VPS41: variants seen among roughly 807,000 people sequenced by gnomAD.
VPS41 encodes vacuolar protein sorting-associated protein 41 homolog.
Under a neutral mutation model 130.9 loss-of-function variants are expected in VPS41, and 85 were observed. The ratio of observed to expected loss-of-function variants is 0.65; its 90% CI spans 0.55 to 0.78. The LOEUF (loss-of-function observed/expected upper bound fraction) is 0.78. Ranked by LOEUF, VPS41 falls within the 30% of genes least tolerant of loss-of-function variation. VPS41 has a pLI of 0.00. For missense variants in VPS41, 874 were observed against 1,018.7 expected, an observed-to-expected ratio of 0.86 and a Z score of 1.93; for synonymous variants, 335 against 332.9, an observed-to-expected ratio of 1.01 and a Z score of -0.07.
rs1325883907 is a variant in VPS41, at chr7:38,744,497, GGTTA to G, written c.1982-959_1982-956del. Among the ~76,000 whole-genome samples, 22 of 152,226 alleles carry G rather than the reference GGTTA, an allele frequency of 1.4e-4. No homozygotes were observed. The East Asian group carries it at 3.5e-3, about 24-fold the overall frequency. On this transcript the variant is annotated intron_variant, in intron 23 of 28. Transcript: ENST00000310301. ...TTCCACAGTTTATGTCTCTAAAAATGGTTAGTTATTTAAAAATGTTTACAGGATT... is the reference window on the plus strand; with the variant it reads ...TTCCACAGTTTATGTCTCTAAAAATGGTTATTTAAAAATGTTTACAGGATT...
intron 21 of VPS41, among the ~76,000 whole-genome samples, chr7:38,753,141 C>T (rs1783714360): frequency 6.6e-6 from 1 of 152,140 alleles, no homozygotes; most frequent in South Asian, 2.1e-4. Flanking sequence ...AAAAACCCCA[C>T]AATCTACTGA....
intron 2 of VPS41, among the ~76,000 whole-genome samples, chr7:38,890,331 C>T (rs994088563): frequency 2.0e-5 from 3 of 152,120 alleles, no homozygotes; most frequent in Admixed American, 1.3e-4. Context: ...TATAAAACGA[C>T]AAAATTATAC....
At chr7:38,811,982 T>C (rs533181381) in intron 7 of VPS41, among the ~76,000 whole-genome samples, 3 of 152,246 alleles carry the variant, frequency 2.0e-5, no homozygotes, top group African/African-American at 7.2e-5. Context: ...CTAACTGTAG[T>C]GTTCTGACTA....
rs1231444649 is a variant in VPS41, at chr7:38,776,770, T to C, written c.791A>G (p.Gln264Arg). 3.7e-6 allele frequency: 6 copies of C among 1,601,172 alleles called. No individual in the cohort carries two copies. The highest frequency in any genetic ancestry group is 5.1e-6 in the Non-Finnish European group (6 of 1,168,842). ...LPSRYVEIVS[Q>R]FETEFYISGL... ...ACTGATGTAGAATTCAGTTTCAAAC[T>C]GAGACACTGCAAACAAAAGGGATAC... The change falls in exon 11 of 29, where the codon CAG becomes CGG. Residue 264 changes from glutamine (Q) to arginine (R), a missense_variant. Transcript: ENST00000310301.
At position 38,767,608 on chromosome 7, in the gene VPS41, G is replaced by T; in HGVS notation, c.1186-10C>A. The T allele has an allele frequency of 6.2e-7, 1 of 1,603,266 alleles. No homozygotes were observed. The highest frequency in any genetic ancestry group is 8.5e-7 in the Non-Finnish European group (1 of 1,173,038). ...ATGCCAAGCCAATATCCTAGAGAAA[G>T]CCAAATGAAGAAATGTCAAAATTTA... On this transcript the variant is annotated splice_polypyrimidine_tract_variant and intron_variant, in intron 14 of 28. Coordinates refer to ENST00000310301, the MANE Select transcript of VPS41 (RefSeq NM_014396.4).
At chr7:38,796,450 A>C in intron 8 of VPS41, 3 of 511,416 alleles carry the variant, frequency 5.9e-6, no homozygotes, top group Non-Finnish European at 7.6e-6. Context: ...TTCAAGACCC[A>C]TTCCCAATGC....
intron 12 of VPS41, 70 bp from the exon 13 acceptor site, chr7:38,772,707 AC>A (rs1251488472): frequency 9.2e-7 from 1 of 1,084,058 alleles, no homozygotes; most frequent in African/African-American, 1.6e-5. Flanking sequence ...GTTTCAGAGG[AC>A]CTGGTTAGGT....
At chr7:38,898,016 T>C in intron 2 of VPS41, 75 bp downstream of exon 2, 1 of 1,402,504 alleles carries the variant, frequency 7.1e-7, no homozygotes, top group Non-Finnish European at 1.0e-6. Context: ...GAATGTTGCA[T>C]TTAGCAAAGA....
chr7:38,908,962 G>A (rs1334393011), intron 1 of VPS41, among the ~76,000 whole-genome samples, 192 bp downstream of exon 1: 9 of 152,160 alleles, frequency 5.9e-5, no homozygotes, highest in Admixed American at 5.9e-4. Flanking sequence ...GCTTTCCCTA[G>A]GTGCCCTCCC....
At chr7:38,854,061 C>A (rs1785926490) in intron 4 of VPS41, among the ~76,000 whole-genome samples, 1 of 152,182 alleles carries the variant, frequency 6.6e-6, no homozygotes, top group Non-Finnish European at 1.5e-5. Flanking sequence ...GCCTTGGCAT[C>A]ATTTATCAGA....
chr7:38,909,138 C>A lies in VPS41; in HGVS notation c.21+16G>T. 1 of 1,614,200 alleles carries A rather than the reference C, an allele frequency of 6.2e-7. No individual in the cohort carries two copies. ...TCTATATCCCTGTGCCCTCAACTAC[C>A]ACCTGCACCCTTTACCTGCTCCTCT... On this transcript the variant is annotated intron_variant, in intron 1 of 28. Transcript: ENST00000310301.
In VPS41 at chr7:38,788,910, C is replaced by T. The variant is rs928863825; in HGVS notation, c.784+891G>A. 4.6e-5 allele frequency among the ~76,000 whole-genome samples: 7 copies of T among 152,190 alleles called. No individual in the cohort carries two copies. The East Asian group carries it at 1.3e-3, about 29-fold the overall frequency. On this transcript the variant is annotated intron_variant, in intron 10 of 28. Transcript: ENST00000310301. ...GTCTTTCTATTTACAGAAATACAAT[C>T]ATGTGCAAATAATTTATTTCAACTT... is the stretch of plus-strand genomic sequence containing the variant.
At chr7:38,762,114 C>A (rs1783933761) in intron 17 of VPS41, among the ~76,000 whole-genome samples, 1 of 152,030 alleles carries the variant, frequency 6.6e-6, no homozygotes, top group African/African-American at 2.4e-5. Flanking sequence ...GCATGATGAC[C>A]CCACCATAAA....
At chr7:38,862,866 A>G (rs1020210442) in intron 3 of VPS41, among the ~76,000 whole-genome samples, 4 of 152,186 alleles carry the variant, frequency 2.6e-5, no homozygotes, top group African/African-American at 7.2e-5. Flanking sequence ...TCTACTGACA[A>G]CTAATGGTGT....
intron 22 of VPS41, 113 bp downstream of exon 22, chr7:38,752,063 C>A (rs1367056241): frequency 2.1e-6 from 3 of 1,439,160 alleles, no homozygotes; most frequent in Non-Finnish European, 2.8e-6. Context: ...CAACAGTCTT[C>A]CCCCTGGAAA....
intron 4 of VPS41, among the ~76,000 whole-genome samples, chr7:38,839,499 T>G (rs761440763): frequency 5.9e-5 from 9 of 151,622 alleles, no homozygotes; most frequent in Non-Finnish European, 8.8e-5. Context: ...CTCGGCTCAC[T>G]GCAACCTCTG....
chr7:38,860,765 T>G (rs1369619036), intron 4 of VPS41, among the ~76,000 whole-genome samples: 1 of 151,526 alleles, frequency 6.6e-6, no homozygotes, highest in African/African-American at 2.4e-5. Context: ...CGCAAGCATT[T>G]TTGTTGAATA....
intron 7 of VPS41, among the ~76,000 whole-genome samples, chr7:38,816,547 C>A (rs774918658): frequency 6.6e-6 from 1 of 151,858 alleles, no homozygotes; most frequent in Non-Finnish European, 1.5e-5. Flanking sequence ...GGCTCCAAAC[C>A]GAATAGTAAA....
chr7:38,843,456 G>A (rs1785655398), intron 4 of VPS41, among the ~76,000 whole-genome samples: 1 of 152,080 alleles, frequency 6.6e-6, no homozygotes, highest in African/African-American at 2.4e-5. Context: ...GCCGAGGCAG[G>A]TGGATAACGA....
Sources: allele counts gnomAD v4.1 joint callset (sites outside exome capture counted in the v4.1 genomes callset), GRCh38; gene constraint gnomAD v4.1.1; transcripts MANE v1.5; gene names NCBI Gene and HGNC (gene_info 2026-07-23, HGNC 2026-07-21).